NKAIN2: variants seen among roughly 807,000 people sequenced by gnomAD.
The protein encoded by NKAIN2 is sodium/potassium transporting ATPase interacting 2.
A neutral mutation model predicts 32.6 loss-of-function variants in NKAIN2; 14 were observed. The ratio of observed to expected loss-of-function variants is 0.43; its 90% confidence interval spans 0.28 to 0.67. The LOEUF (loss-of-function observed/expected upper bound fraction) is 0.67. Ranked by LOEUF, NKAIN2 falls within the 30% of genes least tolerant of loss-of-function variation. The pLI, the probability that NKAIN2 is intolerant of heterozygous loss-of-function variation, is 0.17. For synonymous variants in NKAIN2, 80 were observed against 87.2 expected, an observed-to-expected ratio of 0.92 and a Z score of 0.46; for missense variants, 198 against 258.3, an observed-to-expected ratio of 0.77 and a Z score of 1.60.
intron 4 of NKAIN2, among the ~76,000 whole-genome samples, chr6:124,739,345 G>T (rs901313414): frequency 5.3e-5 from 8 of 151,836 alleles, no homozygotes; most frequent in Non-Finnish European, 4.4e-5. Context: ...GCCAATATCA[G>T]CATGGGCAGA....
intron 3 of NKAIN2, among the ~76,000 whole-genome samples, chr6:124,653,153 G>GTA (rs1026602751): frequency 6.6e-6 from 1 of 152,062 alleles, no homozygotes; most frequent in Non-Finnish European, 1.5e-5. Context: ...TGATTCTAAA[G>GTA]TATATAGAGA....
chr6:123,902,458 A>G (rs536838037), intron 1 of NKAIN2, among the ~76,000 whole-genome samples: 19 of 152,272 alleles, frequency 1.2e-4, no homozygotes, highest in Non-Finnish European at 2.5e-4. Flanking sequence ...TTCAGTATCT[A>G]CATGTTGACA....
chr6:123,986,908 G>C (rs887690491), intron 1 of NKAIN2, among the ~76,000 whole-genome samples: 3 of 152,146 alleles, frequency 2.0e-5, no homozygotes, highest in African/African-American at 7.2e-5. Context: ...TGTTTGAAGA[G>C]TGTTATGTGC....
chr6:124,394,856 G>C (rs955008867), intron 3 of NKAIN2, among the ~76,000 whole-genome samples: 2 of 151,960 alleles, frequency 1.3e-5, no homozygotes, highest in African/African-American at 4.8e-5. Flanking sequence ...AAGATCTCTC[G>C]GCCCAGTCAA....
At chr6:124,754,175 C>T (rs941360881) in intron 4 of NKAIN2, among the ~76,000 whole-genome samples, 1 of 152,004 alleles carries the variant, frequency 6.6e-6, no homozygotes, top group African/African-American at 2.4e-5. Flanking sequence ...ACCTGAGAAC[C>T]TGGAAACCTG....
intron 1 of NKAIN2, among the ~76,000 whole-genome samples, chr6:124,221,307 C>CA (rs1791802832): frequency 6.7e-6 from 1 of 149,734 alleles, no homozygotes; most frequent in Non-Finnish European, 1.5e-5. Flanking sequence ...ATCACAAGAA[C>CA]AAAAAACCAA....
chr6:124,060,333 C>G (rs765424134), intron 1 of NKAIN2, among the ~76,000 whole-genome samples: 1 of 152,136 alleles, frequency 6.6e-6, no homozygotes, highest in Non-Finnish European at 1.5e-5. Context: ...AAATTAGCCT[C>G]TATGCAGTTG....
At chr6:123,883,827 A>G (rs944113361) in intron 1 of NKAIN2, among the ~76,000 whole-genome samples, 39 of 138,498 alleles carry the variant, frequency 2.8e-4, no homozygotes, top group African/African-American at 9.5e-4. Context: ...CCTGGGAGGC[A>G]GAGCTTGCAG....
chr6:124,710,843 A>T (rs1206392488), intron 4 of NKAIN2, among the ~76,000 whole-genome samples: 1 of 149,196 alleles, frequency 6.7e-6, no homozygotes, highest in East Asian at 2.0e-4. Context: ...TAAAGTTAAT[A>T]TTGTTATGTG....
In NKAIN2 at chr6:124,192,704, A is replaced by C. The variant is rs144327219; in HGVS notation, c.55-90301A>C. ...TTCTGAGAGGATTTTAATACTACCAATTGTGGTGTTGTCTATTTCTCTCCT... is the reference window on the plus strand; with the variant it reads ...TTCTGAGAGGATTTTAATACTACCACTTGTGGTGTTGTCTATTTCTCTCCT... On this transcript the variant is annotated intron_variant, in intron 1 of 6. Transcript: ENST00000368417. Among the ~76,000 whole-genome samples the C allele has an allele frequency of 5.3e-3, 722 of 136,364 alleles. 8 individuals carry two copies. The highest frequency in any genetic ancestry group is 0.016 in the African/African-American group (598 of 36,344). The allele number at this position is 136,364 out of a possible 152,430, so 89.5% of individuals were successfully genotyped here. A position where few individuals can be genotyped will look rare whatever the true frequency, so the allele number is the denominator to read the frequency against.
At position 123,938,253 on chromosome 6, in the gene NKAIN2, A is replaced by G. The variant is rs371342971; in HGVS notation, c.54+133999A>G. Among the ~76,000 whole-genome samples, 9 of 151,338 alleles carry G rather than the reference A, an allele frequency of 5.9e-5. No individual in the cohort carries two copies. The East Asian group carries it at 1.4e-3, about 23-fold the overall frequency. On this transcript the variant is annotated intron_variant, in intron 1 of 6. Transcript: ENST00000368417. ...AGGGAAGGGCAGATGCCATGAAAAC[A>G]TACTTAAAAAGTTATTTTGACTTCT...
At chr6:124,343,095 C>T (rs1165328191) in intron 2 of NKAIN2, among the ~76,000 whole-genome samples, 1 of 148,600 alleles carries the variant, frequency 6.7e-6, no homozygotes, top group African/African-American at 2.5e-5. Flanking sequence ...GGTTTTTTGT[C>T]CTTGTGATAG....
chr6:124,337,650 A>G (rs137988745), intron 2 of NKAIN2, among the ~76,000 whole-genome samples: 199 of 152,368 alleles, frequency 1.3e-3, no homozygotes, highest in African/African-American at 4.1e-3. Flanking sequence ...TAATTGGATC[A>G]GCCACATGAT....
At chr6:123,911,812 T>TATATATACAC (rs1331943561) in intron 1 of NKAIN2, among the ~76,000 whole-genome samples, 79 of 85,000 alleles carry the variant, frequency 9.3e-4, no homozygotes, top group African/African-American at 3.4e-3. Flanking sequence ...TATATATATA[T>TATATATACAC]ACACACACAC....
At chr6:124,215,768 A>C (rs2114675896) in intron 1 of NKAIN2, among the ~76,000 whole-genome samples, 1 of 152,262 alleles carries the variant, frequency 6.6e-6, no homozygotes, top group Non-Finnish European at 1.5e-5. Flanking sequence ...TCTCAACAAA[A>C]TCAGCTAAGA....
chr6:124,767,693 G>A (rs1394748283), intron 4 of NKAIN2, among the ~76,000 whole-genome samples: 2 of 152,166 alleles, frequency 1.3e-5, no homozygotes, highest in African/African-American at 4.8e-5. Flanking sequence ...ATCTTTCACT[G>A]TTGTTCTCTC....
At chr6:123,845,860 A>G (rs902819253) in intron 1 of NKAIN2, among the ~76,000 whole-genome samples, 1 of 152,208 alleles carries the variant, frequency 6.6e-6, no homozygotes, top group African/African-American at 2.4e-5. Context: ...CCAGTTGGAC[A>G]AACTTGTAGG....
chr6:123,969,673 G>T (rs1462781932), intron 1 of NKAIN2, among the ~76,000 whole-genome samples: 3 of 152,166 alleles, frequency 2.0e-5, no homozygotes, highest in African/African-American at 7.2e-5. Flanking sequence ...GAAAGCAAAA[G>T]CTTCAACAGA....
In NKAIN2 at chr6:124,283,043, A is replaced by G; in HGVS notation, c.93A>G (p.Gly31=). The G allele has an allele frequency of 1.2e-6, 2 of 1,613,376 alleles. No individual in the cohort carries two copies. Among genetic ancestry groups the G allele is most frequent in the South Asian group, 1.1e-5 (1 of 91,064 alleles). ...AGAGGCAAATATTTGACTTCCTTGG[A>G]TATCAGTGGGCACCTATCCTGGCAA... The part of the protein sequence containing the change: ...VLERQIFDFL[G]YQWAPILANF... Residue 31 remains glycine, a synonymous_variant, in exon 2 of 7, where the codon GGA becomes GGG. Transcript: ENST00000368417.
Sources: gnomAD v4.1 joint callset for allele counts (sites outside exome capture counted in the v4.1 genomes callset) on GRCh38, gnomAD v4.1.1 for gene constraint, MANE v1.5 for transcripts, NCBI Gene and HGNC (gene_info 2026-07-23, HGNC 2026-07-21) for gene names.